Variants in ABCC1 observed in about 807,000 individuals in gnomAD.
The protein encoded by ABCC1 is multidrug resistance-associated protein 1.
In ABCC1, 83 loss-of-function variants were observed where a neutral mutation model predicts 172.9. The ratio of observed to expected loss-of-function variants is 0.48; its 90% confidence interval spans 0.40 to 0.58. The LOEUF is 0.58. Among genes scored for constraint, ABCC1 ranks in the 20% least tolerant of loss-of-function variants. ABCC1 has a pLI of 0.00. For synonymous variants in ABCC1, 937 were observed against 825.2 expected (o/e 1.14, Z -2.32); for missense variants, 1,817 against 2,002.7 (o/e 0.91, Z 1.77).
Position 16,056,845 on chromosome 16 carries a change from A to G in ABCC1, c.1677+550A>G, listed in dbSNP as rs45560531. Among the ~76,000 whole-genome samples, 673 of 152,286 alleles carry G rather than the reference A, an allele frequency of 4.4e-3. 7 individuals carry two copies. Among genetic ancestry groups the G allele is most frequent in the African/African-American group, 0.016 (648 of 41,550 alleles). On this transcript the variant is annotated intron_variant, in intron 12 of 30. Transcript: ENST00000399410. Reference sequence around the variant, plus strand: ...ATATAAGGAGCTTGTGCCAGAATGTAAACCAGTGCCCCCTGCTTCCTGCAT... The same window carrying G: ...ATATAAGGAGCTTGTGCCAGAATGTGAACCAGTGCCCCCTGCTTCCTGCAT...
In ABCC1 at chr16:15,979,018, C is replaced by A. The variant is rs28431874; in HGVS notation, c.49-28798C>A. On this transcript the variant is annotated intron_variant, in intron 1 of 30. Coordinates refer to ENST00000399410, the MANE Select transcript of ABCC1 (RefSeq NM_004996.4). The stretch of plus-strand genomic sequence containing the variant: ...TGCATTTAAATTTTTTTTGGCCAGG[C>A]GTGGTGGCTCACACCCGTAGTCCCA... 9.2e-5 allele frequency among the ~76,000 whole-genome samples: 14 copies of A among 151,984 alleles called. No individual in the cohort carries two copies. In the East Asian group the frequency reaches 2.7e-3, roughly 29 times the overall value.
At chr16:15,949,282 A>T (rs534239279), upstream of ABCC1, among the ~76,000 whole-genome samples, 1 of 151,958 alleles carries the variant, frequency 6.6e-6, no homozygotes, top group East Asian at 1.9e-4. Context: ...CGTTCACGTT[A>T]TTTTCCCCTG....
At chr16:16,118,625 G>A (rs1182611137) in intron 23 of ABCC1, among the ~76,000 whole-genome samples, 15 of 151,852 alleles carry the variant, frequency 9.9e-5, no homozygotes, top group Admixed American at 1.3e-4. Context: ...ATTAGAAGAC[G>A]CAGCTGTTGG....
chr16:16,016,575 G>A lies in ABCC1; in HGVS notation c.569G>A (p.Cys190Tyr), dbSNP rs1282848316. ...TTACTCATTCAGCTCGTCTTGTCCT[G>A]TTTCTCAGATCGCTCACCCCTGTTC... ...SLLLIQLVLS[C>Y]FSDRSPLFSE... The change falls in exon 5 of 31, where the codon TGT becomes TAT. Residue 190 changes from cysteine (C) to tyrosine (Y), a missense_variant. Physicochemically the swap from Cys to Tyr is radical, Grantham distance 194. Coordinates refer to ENST00000399410, the MANE Select transcript of ABCC1 (RefSeq NM_004996.4). The A allele has an allele frequency of 1.2e-6, 2 of 1,614,098 alleles. No individual in the cohort carries two copies. Among genetic ancestry groups the A allele is most frequent in the South Asian group, 1.1e-5 (1 of 91,074 alleles).
intron 1 of ABCC1, among the ~76,000 whole-genome samples, chr16:15,976,939 G>A (rs1380575959): frequency 6.6e-6 from 1 of 152,216 alleles, no homozygotes; most frequent in East Asian, 1.9e-4. Flanking sequence ...CCCAGAGCCT[G>A]TGCCCTTGAC....
chr16:16,028,840 A>G (rs1324576321), intron 5 of ABCC1, among the ~76,000 whole-genome samples: 2 of 152,172 alleles, frequency 1.3e-5, no homozygotes, highest in Non-Finnish European at 2.9e-5. Flanking sequence ...CATCAGCTAG[A>G]ATATAGCAGG....
intron 24 of ABCC1, among the ~76,000 whole-genome samples, chr16:16,123,908 T>C (rs762126745): frequency 3.9e-5 from 6 of 151,990 alleles, no homozygotes; most frequent in Non-Finnish European, 7.4e-5. Flanking sequence ...TAGTCGCAGC[T>C]ACTCAGGCTG....
At chr16:15,999,621 A>G (rs949497831) in intron 1 of ABCC1, among the ~76,000 whole-genome samples, 1 of 130,716 alleles carries the variant, frequency 7.7e-6, no homozygotes, top group Non-Finnish European at 1.6e-5. Flanking sequence ...GTCTCAAAAG[A>G]AAAAAAAAAT....
At chr16:16,056,703 C>T in intron 12 of ABCC1, 1 of 213,536 alleles carries the variant, frequency 4.7e-6, no homozygotes, top group South Asian at 7.6e-5. Flanking sequence ...GTCAGCAAGG[C>T]CTTCCCTGAA....
At chr16:16,133,674 G>A (rs150529) in intron 27 of ABCC1, among the ~76,000 whole-genome samples, 2,175 of 152,254 alleles carry the variant, frequency 0.014, 27 homozygotes, top group Middle Eastern at 0.048. Flanking sequence ...AAAGTGCTGG[G>A]ACTACAGGCA....
At chr16:15,963,856 C>T (rs2046190080) in intron 1 of ABCC1, among the ~76,000 whole-genome samples, 1 of 152,106 alleles carries the variant, frequency 6.6e-6, no homozygotes, top group African/African-American at 2.4e-5. Flanking sequence ...AATTGGGCTC[C>T]TTGTTACTTT....
In ABCC1 at chr16:16,012,385, G is replaced by A. The variant is rs548780469; in HGVS notation, c.352-2106G>A. ...GCCCTGTGCCTGGCATGCAGTAAGC[G>A]TTCCATAAATGCATGGAGGGAATGA... On this transcript the variant is annotated intron_variant, in intron 3 of 30. Transcript: ENST00000399410. Among the ~76,000 whole-genome samples the A allele has an allele frequency of 4.6e-5, 7 of 152,172 alleles. No homozygotes were observed. The South Asian group carries it at 6.2e-4, about 14-fold the overall frequency.
chr16:15,979,143 T>C (rs926463465), intron 1 of ABCC1, among the ~76,000 whole-genome samples: 1 of 151,710 alleles, frequency 6.6e-6, no homozygotes, highest in African/African-American at 2.4e-5. Context: ...ATACAAAAAT[T>C]AGTTGGGTGT....
intron 12 of ABCC1, among the ~76,000 whole-genome samples, chr16:16,061,670 C>G (rs1045810411): frequency 6.6e-6 from 1 of 151,944 alleles, no homozygotes; most frequent in African/African-American, 2.4e-5. Context: ...ACATGTCATA[C>G]ATGTAGTTAT....
At chr16:15,989,531 C>T (rs1190589250) in intron 1 of ABCC1, among the ~76,000 whole-genome samples, 1 of 152,128 alleles carries the variant, frequency 6.6e-6, no homozygotes, top group African/African-American at 2.4e-5. Flanking sequence ...TCTTGCACTC[C>T]TTTTCTCAGC....
At chr16:16,031,443 G>A (rs909406633) in intron 5 of ABCC1, among the ~76,000 whole-genome samples, 1 of 152,134 alleles carries the variant, frequency 6.6e-6, no homozygotes, top group Non-Finnish European at 1.5e-5. Flanking sequence ...TTGACTTGGG[G>A]CTCATCTTCA....
intron 5 of ABCC1, among the ~76,000 whole-genome samples, chr16:16,020,451 T>C (rs910371447): frequency 6.6e-6 from 1 of 152,226 alleles, no homozygotes. Flanking sequence ...CAGTAGCCCA[T>C]GGGCCGAATC....
intron 1 of ABCC1, among the ~76,000 whole-genome samples, chr16:15,985,888 C>T (rs35471843): frequency 0.1 from 15,773 of 152,060 alleles, 948 homozygotes; most frequent in Middle Eastern, 0.16. Context: ...ATGGCCTGGC[C>T]CTGTCCAGCA....
In ABCC1 at chr16:16,116,762, G is replaced by T. The variant is rs536851830; in HGVS notation, c.3390+1686G>T. On this transcript the variant is annotated intron_variant, in intron 23 of 30. Transcript: ENST00000399410. ...TTTAGTAGAGACGAGGTTTCACCAT[G>T]TTGGCCAGGCTAGTCTCAAACTCCT... Among the ~76,000 whole-genome samples, 91 of 152,214 alleles carry T rather than the reference G, an allele frequency of 6.0e-4. No homozygotes were observed. In the South Asian group the frequency reaches 0.018, roughly 29 times the overall value.
Sources: allele counts gnomAD v4.1 joint callset (sites outside exome capture counted in the v4.1 genomes callset), GRCh38; gene constraint gnomAD v4.1.1; transcripts MANE v1.5; gene names NCBI Gene and HGNC (gene_info 2026-07-23, HGNC 2026-07-21).